WWOX: variants seen among roughly 807,000 people sequenced by gnomAD.
WWOX encodes the protein WW domain containing oxidoreductase, also known as WW domain-containing oxidoreductase.
In WWOX, 69 loss-of-function variants were observed where a neutral mutation model predicts 46.2. That is an observed-to-expected ratio of 1.49 (90% CI 1.23 to 1.82). WWOX has a LOEUF of 1.82. Among genes scored for constraint, WWOX ranks in the 40% most tolerant of loss-of-function variants. The pLI is 0.00. For synonymous variants in WWOX, 359 were observed against 202.6 expected, an observed-to-expected ratio of 1.77 and a Z score of -6.56; for missense variants, 919 against 542.6, an observed-to-expected ratio of 1.69 and a Z score of -6.89.
intron 4 of WWOX, among the ~76,000 whole-genome samples, chr16:78,149,065 C>A (rs926869842): frequency 9.2e-5 from 14 of 152,066 alleles, no homozygotes; most frequent in African/African-American, 3.4e-4. Context: ...GATCGTAGCT[C>A]ACTGTAACCT....
At chr16:78,751,846 G>C (rs993920299) in intron 8 of WWOX, among the ~76,000 whole-genome samples, 1 of 151,726 alleles carries the variant, frequency 6.6e-6, no homozygotes, top group African/African-American at 2.4e-5. Flanking sequence ...GAAGGAGGGA[G>C]GGAAGGTAAG....
At position 79,199,160 on chromosome 16, in the gene WWOX, T is replaced by A. The variant is rs185637124; in HGVS notation, c.1057-12448T>A. 1.5e-3 allele frequency among the ~76,000 whole-genome samples: 225 copies of A among 152,302 alleles called. 5 individuals are homozygous for A. In the East Asian group the frequency reaches 0.037, roughly 25 times the overall value. ...TCACTGCAACCTCTGCCTCCTGGCT[T>A]CAAGCCATCCTCCCGCCTCAGCCTC... On this transcript the variant is annotated intron_variant, in intron 8 of 8. Transcript: ENST00000566780.
At chr16:78,761,339 C>G (rs1315742787) in intron 8 of WWOX, among the ~76,000 whole-genome samples, 3 of 152,246 alleles carry the variant, frequency 2.0e-5, no homozygotes, top group Non-Finnish European at 2.9e-5. Context: ...CATTTACTCA[C>G]AAATTTAAAA....
intron 8 of WWOX, among the ~76,000 whole-genome samples, chr16:78,703,149 G>A (rs1001364888): frequency 1.3e-5 from 2 of 152,130 alleles, no homozygotes; most frequent in African/African-American, 2.4e-5. Context: ...AAGAGAGGGA[G>A]GGGTGGTCGT....
intron 8 of WWOX, among the ~76,000 whole-genome samples, chr16:78,893,452 C>A (rs911886173): frequency 6.6e-6 from 1 of 152,052 alleles, no homozygotes; most frequent in Middle Eastern, 3.2e-3. Flanking sequence ...TTTTCTGTTG[C>A]TACTTAGGAA....
chr16:78,687,161 T>C (rs941763374), intron 8 of WWOX, among the ~76,000 whole-genome samples: 4 of 152,188 alleles, frequency 2.6e-5, no homozygotes, highest in African/African-American at 9.6e-5. Context: ...ATTAGCAGTG[T>C]TTCATATTTA....
chr16:78,183,183 C>T (rs1278677348), intron 5 of WWOX, among the ~76,000 whole-genome samples: 4 of 151,934 alleles, frequency 2.6e-5, no homozygotes, highest in African/African-American at 4.8e-5. Flanking sequence ...GTTGTCCTTG[C>T]CCTAAGTGTG....
At chr16:78,795,595 T>G (rs1306110993) in intron 8 of WWOX, among the ~76,000 whole-genome samples, 1 of 152,236 alleles carries the variant, frequency 6.6e-6, no homozygotes, top group Non-Finnish European at 1.5e-5. Flanking sequence ...GACAGTGCTT[T>G]CTTGGAGCAC....
At chr16:78,968,429 C>G (rs187535143) in intron 8 of WWOX, among the ~76,000 whole-genome samples, 26 of 152,350 alleles carry the variant, frequency 1.7e-4, no homozygotes, top group Admixed American at 3.9e-4. Flanking sequence ...GGTAGCCAAA[C>G]TGTTCCCTAG....
chr16:78,377,670 T>A (rs1391214380), intron 5 of WWOX, among the ~76,000 whole-genome samples: 3 of 152,128 alleles, frequency 2.0e-5, no homozygotes, highest in African/African-American at 4.8e-5. Context: ...TAGAGGGAAA[T>A]AGGAAGGTTT....
intron 5 of WWOX, among the ~76,000 whole-genome samples, chr16:78,234,563 G>T (rs2037375757): frequency 6.6e-6 from 1 of 152,090 alleles, no homozygotes; most frequent in Non-Finnish European, 1.5e-5. Flanking sequence ...GTAATCTTTA[G>T]AACCGAAGTA....
intron 8 of WWOX, among the ~76,000 whole-genome samples, chr16:78,873,809 A>G (rs1311865502): frequency 6.6e-6 from 1 of 152,078 alleles, no homozygotes; most frequent in African/African-American, 2.4e-5. Flanking sequence ...AAATAGTAAA[A>G]TAAAACGAGA....
At chr16:79,123,763 T>G (rs893102178) in intron 8 of WWOX, among the ~76,000 whole-genome samples, 3 of 152,164 alleles carry the variant, frequency 2.0e-5, no homozygotes, top group African/African-American at 7.2e-5. Context: ...AGCAGGCACA[T>G]TATAAAGAAT....
intron 4 of WWOX, among the ~76,000 whole-genome samples, chr16:78,117,840 A>G (rs2032881937): frequency 6.6e-6 from 1 of 152,064 alleles, no homozygotes; most frequent in Non-Finnish European, 1.5e-5. Context: ...CACTCAAGGG[A>G]GCCTGTTTTC....
At chr16:78,837,601 C>T (rs574684819) in intron 8 of WWOX, among the ~76,000 whole-genome samples, 5 of 152,264 alleles carry the variant, frequency 3.3e-5, no homozygotes, top group East Asian at 3.9e-4. Flanking sequence ...ATACAGACCT[C>T]TTAGGCGTCT....
chr16:78,373,610 A>G (rs2081747683), intron 5 of WWOX, among the ~76,000 whole-genome samples: 1 of 151,712 alleles, frequency 6.6e-6, no homozygotes, highest in Admixed American at 6.6e-5. Flanking sequence ...TCTGCAGTGT[A>G]TCTTTTTTAA....
intron 8 of WWOX, among the ~76,000 whole-genome samples, chr16:78,768,205 C>A (rs34820064): frequency 1.4e-5 from 2 of 145,400 alleles, no homozygotes; most frequent in African/African-American, 5.1e-5. Flanking sequence ...CAGTATGATT[C>A]TGAAGCAACT....
intron 5 of WWOX, among the ~76,000 whole-genome samples, chr16:78,330,358 C>G (rs1343053094): frequency 1.3e-5 from 2 of 151,664 alleles, no homozygotes; most frequent in Non-Finnish European, 2.9e-5. Context: ...TGTAAATGTC[C>G]TAAATTAATG....
At chr16:78,758,926 A>C (rs567545825) in intron 8 of WWOX, among the ~76,000 whole-genome samples, 5 of 149,158 alleles carry the variant, frequency 3.4e-5, no homozygotes, top group African/African-American at 5.0e-5. Context: ...ATTAAAAAAA[A>C]CCACAAAAGA....
Sources: gnomAD v4.1 joint callset for allele counts (sites outside exome capture counted in the v4.1 genomes callset) on GRCh38, gnomAD v4.1.1 for gene constraint, MANE v1.5 for transcripts, NCBI Gene and HGNC (gene_info 2026-07-23, HGNC 2026-07-21) for gene names.